Variants in GLRA2 observed in about 807,000 individuals in gnomAD.
GLRA2 encodes glycine receptor subunit alpha-2.
Under a neutral mutation model 31.6 loss-of-function variants are expected in GLRA2, and 11 were observed. That is an observed-to-expected ratio of 0.35 (90% CI 0.22 to 0.58). GLRA2 has a LOEUF of 0.58. Ranked by LOEUF, GLRA2 falls within the 20% of genes least tolerant of loss-of-function variation. The pLI, the probability that GLRA2 is intolerant of heterozygous loss-of-function variation, is 0.84. For missense variants in GLRA2, 212 were observed against 351.8 expected, an observed-to-expected ratio of 0.60 and a Z score of 3.18; for synonymous variants, 132 against 134.0, an observed-to-expected ratio of 0.99 and a Z score of 0.10.
the GLRA2 span, among the ~76,000 whole-genome samples, chrX:14,450,186 C>T: frequency 8.9e-6 from 1 of 112,422 alleles, no homozygotes; most frequent in Admixed American, 9.3e-5. Flanking sequence ...AGTTGCACAG[C>T]CATGGCACAA....
the GLRA2 span, among the ~76,000 whole-genome samples, chrX:14,462,284 T>C: frequency 9.0e-6 from 1 of 111,425 alleles, no homozygotes; most frequent in Admixed American, 9.5e-5. Context: ...CTTAACATTT[T>C]TTTTTCCTTC....
chrX:14,463,910 C>T, the GLRA2 span, among the ~76,000 whole-genome samples: 1 of 111,707 alleles, frequency 9.0e-6, no homozygotes, highest in South Asian at 3.8e-4. Flanking sequence ...AGATGAACCA[C>T]GTACCTCAGT....
At chrX:14,623,344 T>C (rs112030552) in intron 7 of GLRA2, among the ~76,000 whole-genome samples, 5 of 111,209 alleles carry the variant, frequency 4.5e-5, no homozygotes, top group Admixed American at 9.6e-5. Context: ...CCTTTATTTC[T>C]TTCTCCTGCC....
At chrX:14,682,921 A>G (rs745321371) in intron 7 of GLRA2, among the ~76,000 whole-genome samples, 27 of 111,296 alleles carry the variant, frequency 2.4e-4, no homozygotes, top group African/African-American at 6.9e-4. Context: ...TGGTGTATAT[A>G]TGCCACATTT....
chrX:14,685,330 T>C (rs1438791306), intron 7 of GLRA2, among the ~76,000 whole-genome samples: 1 of 111,966 alleles, frequency 8.9e-6, no homozygotes, highest in Admixed American at 9.5e-5. Context: ...GCTGGCCTCA[T>C]AAAATGACTT....
intron 2 of GLRA2, among the ~76,000 whole-genome samples, chrX:14,559,963 G>A (rs2147039905): frequency 9.0e-6 from 1 of 111,274 alleles, no homozygotes; most frequent in East Asian, 2.8e-4. Context: ...ATCCTCCAAG[G>A]CTCTCTCTTT....
At chrX:14,578,734 T>A (rs761223839) in intron 3 of GLRA2, among the ~76,000 whole-genome samples, 5 of 111,872 alleles carry the variant, frequency 4.5e-5, no homozygotes, top group Non-Finnish European at 9.4e-5. Flanking sequence ...AAGGCATGGT[T>A]TGAGAATTTT....
At chrX:14,496,379 A>G in the GLRA2 span, among the ~76,000 whole-genome samples, 1 of 111,943 alleles carries the variant, frequency 8.9e-6, no homozygotes, top group Admixed American at 9.5e-5. Context: ...GATCTCAGAT[A>G]TGGTAACTCA....
intron 7 of GLRA2, among the ~76,000 whole-genome samples, chrX:14,628,513 C>T (rs12008944): frequency 0.025 from 2,797 of 111,571 alleles, 77 homozygotes; most frequent in African/African-American, 0.086. Flanking sequence ...ATATTAAGCA[C>T]AAATTAATAG....
intron 3 of GLRA2, 70 bp from the exon 4 acceptor site, chrX:14,581,113 T>C: frequency 1.5e-6 from 1 of 652,694 alleles, no homozygotes; most frequent in South Asian, 2.3e-5. Context: ...GGGAGAAGAA[T>C]GAGAGAGAAA....
chrX:14,499,965 G>A, the GLRA2 span, among the ~76,000 whole-genome samples: 5 of 111,792 alleles, frequency 4.5e-5, no homozygotes, highest in South Asian at 1.9e-3. Context: ...AAAGATTCCA[G>A]TTATTAATCC....
chrX:14,613,733 G>GT (rs749458578), intron 7 of GLRA2, among the ~76,000 whole-genome samples: 33 of 110,440 alleles, frequency 3.0e-4, no homozygotes, highest in South Asian at 1.9e-3. Context: ...ACACGTGTGT[G>GT]TTTTTTTTAC....
At chrX:14,503,001 G>A in the GLRA2 span, among the ~76,000 whole-genome samples, 1 of 110,779 alleles carries the variant, frequency 9.0e-6, no homozygotes, top group Admixed American at 9.6e-5. Context: ...CTGGGAGCAT[G>A]CATGCATATT....
chrX:14,728,218 G>A (rs2091950146), intron 8 of GLRA2, among the ~76,000 whole-genome samples: 1 of 109,885 alleles, frequency 9.1e-6, no homozygotes, highest in South Asian at 3.9e-4. Context: ...GTGGGACCCC[G>A]TCTCTACAAA....
At chrX:14,642,909 T>C (rs945420014) in intron 7 of GLRA2, among the ~76,000 whole-genome samples, 1 of 111,372 alleles carries the variant, frequency 9.0e-6, no homozygotes, top group Non-Finnish European at 1.9e-5. Context: ...TGGTATATGG[T>C]ACAGTTGACC....
At chrX:14,666,573 TCTAA>T (rs1487540795) in intron 7 of GLRA2, among the ~76,000 whole-genome samples, 2 of 111,901 alleles carry the variant, frequency 1.8e-5, no homozygotes, top group African/African-American at 3.2e-5. Context: ...TATTAATTAA[TCTAA>T]CTAATTTGCA....
the GLRA2 span, among the ~76,000 whole-genome samples, chrX:14,487,489 C>A: frequency 9.3e-6 from 1 of 107,019 alleles, no homozygotes; most frequent in Non-Finnish European, 1.9e-5. Context: ...TTCGTTGATC[C>A]TTTTAGTTAA....
intron 8 of GLRA2, among the ~76,000 whole-genome samples, chrX:14,711,617 G>A (rs772053537): frequency 4.4e-5 from 5 of 112,496 alleles, no homozygotes; most frequent in Admixed American, 1.9e-4. Context: ...AACATTTATT[G>A]AGCATACACT....
At chrX:14,722,331 A>G (rs1385276440) in intron 8 of GLRA2, among the ~76,000 whole-genome samples, 1 of 111,023 alleles carries the variant, frequency 9.0e-6, no homozygotes, top group African/African-American at 3.3e-5. Context: ...ATTTCTCCAC[A>G]TGGGCTACTT....
Sources: gnomAD v4.1 joint callset for allele counts (sites outside exome capture counted in the v4.1 genomes callset) on GRCh38, gnomAD v4.1.1 for gene constraint, MANE v1.5 for transcripts, NCBI Gene and HGNC (gene_info 2026-07-23, HGNC 2026-07-21) for gene names.